The following CTNNA2 variants were observed in gnomAD, a reference collection of about 807,000 sequenced individuals.
CTNNA2 encodes the protein catenin alpha-2.
Under a neutral mutation model 101.0 loss-of-function variants are expected in CTNNA2, and 42 were observed. The ratio of observed to expected loss-of-function variants is 0.42; its 90% CI spans 0.32 to 0.54. CTNNA2 has a LOEUF of 0.54. Among genes scored for constraint, CTNNA2 ranks in the 20% least tolerant of loss-of-function variants. The pLI, the probability that CTNNA2 is intolerant of heterozygous loss-of-function variation, is 0.14. For missense variants in CTNNA2, 871 were observed against 1,223.1 expected (o/e 0.71, Z 4.29); for synonymous variants, 450 against 456.4 (o/e 0.99, Z 0.18).
intron 3 of CTNNA2, among the ~76,000 whole-genome samples, chr2:79,824,599 T>C (rs1376121399): frequency 5.3e-5 from 8 of 152,164 alleles, no homozygotes; most frequent in Non-Finnish European, 1.2e-4. Context: ...CTGACATTGC[T>C]TTTTCAACTT....
intron 2 of CTNNA2, among the ~76,000 whole-genome samples, chr2:79,669,134 C>A (rs1305081580): frequency 6.6e-6 from 1 of 152,154 alleles, no homozygotes; most frequent in African/African-American, 2.4e-5. Flanking sequence ...TTTAACTTTT[C>A]TTAGATATGC....
At chr2:79,878,906 C>A (rs2104099896) in intron 6 of CTNNA2, among the ~76,000 whole-genome samples, 1 of 152,242 alleles carries the variant, frequency 6.6e-6, no homozygotes, top group South Asian at 2.1e-4. Flanking sequence ...ATGCCTATTT[C>A]CTGAATGGTA....
At chr2:80,513,436 A>G (rs1265615012) in intron 9 of CTNNA2, among the ~76,000 whole-genome samples, 1 of 152,218 alleles carries the variant, frequency 6.6e-6, no homozygotes, top group African/African-American at 2.4e-5. Flanking sequence ...ATACTACAAG[A>G]AGACAAACAC....
intron 7 of CTNNA2, among the ~76,000 whole-genome samples, chr2:80,356,231 T>A (rs1254136650): frequency 1.3e-5 from 2 of 152,114 alleles, no homozygotes; most frequent in African/African-American, 4.8e-5. Flanking sequence ...AAAAACCAGG[T>A]AAGTGGATTT....
Position 80,477,550 on chromosome 2 carries a change from T to G in CTNNA2, c.1290+57949T>G, listed in dbSNP as rs1266488029. Among the ~76,000 whole-genome samples, 8 of 152,090 alleles carry G rather than the reference T, an allele frequency of 5.3e-5. No individual in the cohort carries two copies. In the East Asian group the frequency reaches 1.5e-3, roughly 29 times the overall value. On this transcript the variant is annotated intron_variant, in intron 9 of 18. Transcript: ENST00000402739. ...TCTGAGTCTCCATTCGTTATACTACTCTATATGCCTTTGCATCCCCATAGC... is the reference window on the plus strand; with the variant it reads ...TCTGAGTCTCCATTCGTTATACTACGCTATATGCCTTTGCATCCCCATAGC...
chr2:79,780,591 T>C (rs2861911), intron 3 of CTNNA2, among the ~76,000 whole-genome samples: 42,067 of 152,014 alleles, frequency 0.28, 6,466 homozygotes, highest in African/African-American at 0.41. Context: ...ATGAATTCCC[T>C]GTGAACCACC....
intron 1 of CTNNA2, among the ~76,000 whole-genome samples, chr2:79,544,264 T>C (rs1673595333): frequency 1.3e-5 from 2 of 152,154 alleles, no homozygotes; most frequent in African/African-American, 4.8e-5. Context: ...GAATGAATAG[T>C]GTGTAGTTGC....
At chr2:80,059,837 T>C (rs1457449034) in intron 7 of CTNNA2, among the ~76,000 whole-genome samples, 1 of 152,230 alleles carries the variant, frequency 6.6e-6, no homozygotes, top group East Asian at 1.9e-4. Flanking sequence ...CCAAGATCTT[T>C]ATTAATTCAT....
At chr2:79,439,260 A>T (rs1678751461) in intron 4 of CTNNA2, among the ~76,000 whole-genome samples, 1 of 152,216 alleles carries the variant, frequency 6.6e-6, no homozygotes. Flanking sequence ...GCACTGATAC[A>T]CGTTGCAACA....
intron 4 of CTNNA2, among the ~76,000 whole-genome samples, chr2:79,441,184 T>C (rs544463168): frequency 6.6e-6 from 1 of 152,324 alleles, no homozygotes; most frequent in South Asian, 2.1e-4. Context: ...TAGATTGTCC[T>C]ATACAAGGAA....
chr2:79,712,551 G>T (rs1418887641), intron 2 of CTNNA2, among the ~76,000 whole-genome samples: 1 of 152,124 alleles, frequency 6.6e-6, no homozygotes, highest in Non-Finnish European at 1.5e-5. Flanking sequence ...TCCTTGGGAT[G>T]AGGCAGTAGG....
chr2:79,852,282 C>A (rs991515106), intron 3 of CTNNA2, among the ~76,000 whole-genome samples: 6 of 152,140 alleles, frequency 3.9e-5, no homozygotes, highest in Non-Finnish European at 7.3e-5. Flanking sequence ...GCTCTTTTGG[C>A]TTCTTTTAAT....
At chr2:79,602,013 A>G (rs1378019170) in intron 1 of CTNNA2, among the ~76,000 whole-genome samples, 1 of 151,832 alleles carries the variant, frequency 6.6e-6, no homozygotes, top group Non-Finnish European at 1.5e-5. Context: ...TGAATATCAC[A>G]TGTAATTTAT....
chr2:79,489,766 G>C (rs1161765248), intron 4 of CTNNA2, among the ~76,000 whole-genome samples: 1 of 152,140 alleles, frequency 6.6e-6, no homozygotes, highest in Non-Finnish European at 1.5e-5. Flanking sequence ...ATCTGATGTA[G>C]TATAACGCAA....
chr2:79,953,063 T>A (rs1354665224), intron 7 of CTNNA2, among the ~76,000 whole-genome samples: 1 of 152,086 alleles, frequency 6.6e-6, no homozygotes, highest in Non-Finnish European at 1.5e-5. Flanking sequence ...TTCTTCAGAG[T>A]TTTTGTTAAT....
intron 1 of CTNNA2, among the ~76,000 whole-genome samples, chr2:79,597,960 C>T (rs1424885593): frequency 2.0e-5 from 3 of 152,198 alleles, no homozygotes; most frequent in African/African-American, 7.2e-5. Context: ...TACCTCCCAC[C>T]CCCTTAACCT....
At chr2:80,136,763 A>T (rs1702719696) in intron 7 of CTNNA2, among the ~76,000 whole-genome samples, 1 of 152,094 alleles carries the variant, frequency 6.6e-6, no homozygotes, top group Non-Finnish European at 1.5e-5. Context: ...TAAATTGTAC[A>T]TTGGCCACAT....
At position 79,609,032 on chromosome 2, in the gene CTNNA2, G is replaced by A. The variant is rs561650892; in HGVS notation, c.-5-42520G>A. Among the ~76,000 whole-genome samples the A allele has an allele frequency of 1.7e-3, 266 of 152,028 alleles. 4 individuals carry two copies. The highest frequency in any genetic ancestry group is 5.8e-3 in the African/African-American group (242 of 41,532). On this transcript the variant is annotated intron_variant, in intron 1 of 18. Coordinates refer to ENST00000402739, the MANE Select transcript of CTNNA2 (RefSeq NM_001282597.3). ...TACTAGAATAATAAGTGACTTTTGC[G>A]AAGTTGTGGTATACAGAAGAAATCA... is the stretch of plus-strand genomic sequence containing the variant.
chr2:79,736,020 TG>T (rs1484111545), intron 2 of CTNNA2, among the ~76,000 whole-genome samples: 4 of 152,222 alleles, frequency 2.6e-5, no homozygotes, highest in Admixed American at 2.6e-4. Context: ...AAGTTGTGCT[TG>T]AGAGAAATGA....
Sources: allele counts gnomAD v4.1 joint callset (sites outside exome capture counted in the v4.1 genomes callset), GRCh38; gene constraint gnomAD v4.1.1; transcripts MANE v1.5; gene names NCBI Gene and HGNC (gene_info 2026-07-23, HGNC 2026-07-21).